The following ACADL variants were observed in gnomAD, a reference collection of about 807,000 sequenced individuals.
ACADL encodes the protein long-chain specific acyl-CoA dehydrogenase, mitochondrial.
A neutral mutation model predicts 56.9 loss-of-function variants in ACADL; 60 were observed. The observed-to-expected ratio is 1.05, with a 90% CI of 0.86 to 1.31. ACADL has a LOEUF of 1.31. ACADL is among the 50% of genes most tolerant of loss of function. ACADL has a pLI of 0.00. For synonymous variants in ACADL, 158 were observed against 179.7 expected (o/e 0.88, Z 0.97); for missense variants, 484 against 525.5 (o/e 0.92, Z 0.77).
In ACADL at chr2:210,188,301, A is replaced by G. The variant is rs1688578180; in HGVS notation, c.*660T>C. The G allele has an allele frequency of 6.6e-6, 1 of 152,328 alleles. No individual in the cohort carries two copies. The highest frequency in any genetic ancestry group is 2.1e-4 in the South Asian group (1 of 4,838). The allele number at this position is 152,328 out of a possible 1,614,324, so 9.4% of individuals were successfully genotyped here. On this transcript the variant is annotated 3_prime_UTR_variant, in exon 11 of 11. Coordinates refer to ENST00000233710, the MANE Select transcript of ACADL (RefSeq NM_001608.4). ...CTGTGTTCTCAGATGTCAGCAATTG[A>G]CAGAACCAAGGCATTCCCTGGTCAG...
intron 10 of ACADL, among the ~76,000 whole-genome samples, chr2:210,190,619 C>G (rs1430083353): frequency 6.6e-6 from 1 of 152,076 alleles, no homozygotes; most frequent in Non-Finnish European, 1.5e-5. Flanking sequence ...AATGACAAGG[C>G]TTAAATCTCA....
chr2:210,218,458 AT>A (rs572300571), intron 2 of ACADL: 96 of 238,386 alleles, frequency 4.0e-4, no homozygotes, highest in Middle Eastern at 1.7e-3. Flanking sequence ...TTAAAAAAAA[AT>A]TTTTTTTTGT....
chr2:210,219,286 A>G (rs1035239500), intron 2 of ACADL, among the ~76,000 whole-genome samples: 3 of 152,174 alleles, frequency 2.0e-5, no homozygotes, highest in African/African-American at 4.8e-5. Flanking sequence ...AAAGTGTACA[A>G]TGTCTCTTTT....
intron 1 of ACADL, chr2:210,224,656 T>G: frequency 1.4e-5 from 14 of 985,900 alleles, no homozygotes; most frequent in Non-Finnish European, 1.7e-5. Flanking sequence ...CGCCAGGTCA[T>G]TTCTAGCCCA....
At chr2:210,205,401 G>A (rs1199583650) in intron 6 of ACADL, among the ~76,000 whole-genome samples, 1 of 151,910 alleles carries the variant, frequency 6.6e-6, no homozygotes, top group African/African-American at 2.4e-5. Flanking sequence ...AGTTAATTTT[G>A]CCATTTCTAA....
At chr2:210,201,821 G>A (rs957959675) in intron 8 of ACADL, among the ~76,000 whole-genome samples, 4 of 152,046 alleles carry the variant, frequency 2.6e-5, no homozygotes, top group East Asian at 1.9e-4. Context: ...TAGTGACTGC[G>A]GCCACTATAT....
At chr2:210,194,701 G>A (rs889983819) in intron 9 of ACADL, among the ~76,000 whole-genome samples, 1 of 152,030 alleles carries the variant, frequency 6.6e-6, no homozygotes, top group African/African-American at 2.4e-5. Flanking sequence ...ACCTTAAATA[G>A]AAAAATCCTG....
chr2:210,189,520 A>G (rs910532442), intron 10 of ACADL, among the ~76,000 whole-genome samples: 2 of 152,228 alleles, frequency 1.3e-5, no homozygotes, highest in African/African-American at 2.4e-5. Context: ...ACTATCAGGA[A>G]TATAAACTAA....
intron 8 of ACADL, among the ~76,000 whole-genome samples, chr2:210,198,333 T>A (rs1688742727): frequency 6.6e-6 from 1 of 152,144 alleles, no homozygotes; most frequent in South Asian, 2.1e-4. Context: ...TGAAACACAC[T>A]AGGTTTGCTA....
chr2:210,212,495 G>T (rs1689000562), intron 4 of ACADL, among the ~76,000 whole-genome samples: 1 of 151,902 alleles, frequency 6.6e-6, no homozygotes, highest in Admixed American at 6.6e-5. Flanking sequence ...AGAAAGTGTG[G>T]CCCTCCTGAT....
chr2:210,206,446 GAAAAT>G (rs1208068383), intron 5 of ACADL, among the ~76,000 whole-genome samples: 1 of 151,724 alleles, frequency 6.6e-6, no homozygotes, highest in South Asian at 2.1e-4. Context: ...AAAAAGAAAA[GAAAAT>G]AAAAGAAAAA....
At chr2:210,202,946 C>T (rs144344739) in intron 8 of ACADL, among the ~76,000 whole-genome samples, 30 of 152,258 alleles carry the variant, frequency 2.0e-4, no homozygotes, top group African/African-American at 5.3e-4. Flanking sequence ...CTTTGCCCTT[C>T]GTCTTATTTT....
Position 210,225,300 on chromosome 2 carries a change from C to T in ACADL, c.-37G>A. The T allele has an allele frequency of 6.5e-7, 1 of 1,537,168 alleles. No individual in the cohort carries two copies. The highest frequency in any genetic ancestry group is 1.2e-5 in the South Asian group (1 of 83,810). On this transcript the variant is annotated 5_prime_UTR_variant, in exon 1 of 11. Coordinates refer to ENST00000233710, the MANE Select transcript of ACADL (RefSeq NM_001608.4). ...AGGGGCGGCGGGGCGACGGAGGCGACTCTGCGGCTACTCGGCGACTCGGGG... is the reference window on the plus strand; with the variant it reads ...AGGGGCGGCGGGGCGACGGAGGCGATTCTGCGGCTACTCGGCGACTCGGGG...
intron 4 of ACADL, among the ~76,000 whole-genome samples, chr2:210,212,248 T>C (rs1326375967): frequency 6.6e-6 from 1 of 151,878 alleles, no homozygotes; most frequent in African/African-American, 2.4e-5. Context: ...ATCTTGCAGA[T>C]GTGATTAATT....
At position 210,225,213 on chromosome 2, in the gene ACADL, A is replaced by C. The variant is rs997546168; in HGVS notation, c.51T>G (p.Arg17=). The C allele has an allele frequency of 5.2e-6, 8 of 1,543,630 alleles. No homozygotes were observed. Among genetic ancestry groups the C allele is most frequent in the Non-Finnish European group, 7.0e-6 (8 of 1,150,604 alleles). Residue 17 remains arginine, a synonymous_variant, in exon 1 of 11, where the codon CGT becomes CGG. Transcript: ENST00000233710. ...GCGCGGCGGGCAGCTGGCGCGGCGC[A>C]CGGTGGCCGCCCAGGACGCGTAGGG... ...RGSLRVLGGH[R]APRQLPAARC...
chr2:210,199,032 CAAAG>C (rs1293084844), intron 8 of ACADL, among the ~76,000 whole-genome samples: 1 of 151,998 alleles, frequency 6.6e-6, no homozygotes, highest in Non-Finnish European at 1.5e-5. Context: ...TCAAGGATAA[CAAAG>C]AGAATGGAAA....
chr2:210,198,983 G>A (rs1688753886), intron 8 of ACADL, among the ~76,000 whole-genome samples: 1 of 151,990 alleles, frequency 6.6e-6, no homozygotes, highest in South Asian at 2.1e-4. Context: ...TTTGTGACAT[G>A]CATTTCAACT....
intron 8 of ACADL, 38 bp downstream of exon 8, chr2:210,203,293 T>G (rs1173442826): frequency 1.4e-6 from 2 of 1,394,824 alleles, no homozygotes. Context: ...ATTAGTAAAC[T>G]GATACCATCT....
In ACADL at chr2:210,188,996, C is replaced by A. The variant is rs1688590746; in HGVS notation, c.1258G>T (p.Glu420Ter). Residue 420 changes from glutamate (E) to a stop codon, truncating the protein, a stop_gained, in exon 11 of 11, where the codon GAG becomes TAG. Transcript: ENST00000233710. LOFTEE classifies it high-confidence loss of function. ...IYGGTNEIMKELIAREIVFDK is the reference protein window; with the variant it reads ...IYGGTNEIMK ...AAGACAATCTCTCTTGCAATCAGCT[C>A]CTTCATTATTTCATTTGTACCACCA... The A allele has an allele frequency of 4.3e-6, 7 of 1,613,366 alleles. No individual in the cohort carries two copies. The East Asian group carries it at 1.6e-4, about 36-fold the overall frequency.
Sources: allele counts gnomAD v4.1 joint callset (sites outside exome capture counted in the v4.1 genomes callset), GRCh38; gene constraint gnomAD v4.1.1; transcripts MANE v1.5; gene names NCBI Gene and HGNC (gene_info 2026-07-23, HGNC 2026-07-21).